RUNX2: variants seen among roughly 807,000 people sequenced by gnomAD.
The protein encoded by RUNX2 is RUNX family transcription factor 2.
RUNX2 carries 10 observed loss-of-function variants against 51.7 expected under a neutral mutation model. The ratio of observed to expected loss-of-function variants is 0.19; its 90% confidence interval spans 0.12 to 0.33. The LOEUF (loss-of-function observed/expected upper bound fraction) is 0.33, where lower values mean the gene tolerates loss of function less well. Ranked by LOEUF, RUNX2 falls within the 10% of genes least tolerant of loss-of-function variation. The probability of loss-of-function intolerance (pLI) is 1.00; values close to 1 mark genes in which losing one functional copy is unlikely to be tolerated. For missense variants in RUNX2, 562 were observed against 691.3 expected (o/e 0.81, Z 2.10); for synonymous variants, 276 against 273.6 (o/e 1.01, Z -0.09).
chr6:45,345,044 T>C (rs916352030), intron 2 of RUNX2, among the ~76,000 whole-genome samples: 1 of 152,154 alleles, frequency 6.6e-6, no homozygotes, highest in African/African-American at 2.4e-5. Flanking sequence ...GGCTGTACAT[T>C]AAAACGTTCC....
At chr6:45,476,567 T>C (rs1025125164) in intron 5 of RUNX2, among the ~76,000 whole-genome samples, 2 of 152,236 alleles carry the variant, frequency 1.3e-5, no homozygotes, top group African/African-American at 2.4e-5. Flanking sequence ...AAAGGGCTGA[T>C]TGTCATGCAG....
At chr6:45,424,860 C>T (rs1173261448) in intron 3 of RUNX2, among the ~76,000 whole-genome samples, 1 of 151,964 alleles carries the variant, frequency 6.6e-6, no homozygotes, top group Non-Finnish European at 1.5e-5. Flanking sequence ...CTTTTATAAA[C>T]CACCCATTTT....
At chr6:45,407,403 A>G (rs1317890212) in intron 2 of RUNX2, among the ~76,000 whole-genome samples, 2 of 152,220 alleles carry the variant, frequency 1.3e-5, no homozygotes, top group East Asian at 1.9e-4. Flanking sequence ...ACCTTCATCC[A>G]TTAAAAAAAT....
At chr6:45,480,136 T>C (rs115369694) in intron 5 of RUNX2, among the ~76,000 whole-genome samples, 1 of 152,216 alleles carries the variant, frequency 6.6e-6, no homozygotes, top group African/African-American at 2.4e-5. Context: ...CAATTATCTG[T>C]CTATCAAGAC....
rs181536281 is a variant in RUNX2 at position 45,497,325 on chromosome 6, T to C, written c.859+5211T>C. Among the ~76,000 whole-genome samples the C allele has an allele frequency of 1.2e-4, 18 of 152,304 alleles. No individual in the cohort carries two copies. In the East Asian group the frequency reaches 3.3e-3, roughly 28 times the overall value. On this transcript the variant is annotated intron_variant, in intron 6 of 8. Transcript: ENST00000647337. Reference sequence around the variant, plus strand: ...GAAGGAAGTGCACAGGATATTTTTTTCCTTGGTTCAGACCCCTATTTGCCC... The same window carrying C: ...GAAGGAAGTGCACAGGATATTTTTTCCCTTGGTTCAGACCCCTATTTGCCC...
At position 45,422,630 on chromosome 6, in the gene RUNX2, CA is replaced by C; in HGVS notation, c.97del (p.Ser33AlafsTer7). ...GCCGGCGCTTCAGCCCCCCCTCCAG[CA>C]GCCTGCAGCCCGGCAAAATGAGCGA... ...TSRRFSPPSSSLQPGKMSDVS... is the reference protein window; with the variant it reads ...TSRRFSPPSSXLQPGKMSDVS... On this transcript the variant is annotated frameshift_variant, in exon 3 of 9. Transcript: ENST00000647337. LOFTEE classifies it high-confidence loss of function. 2 of 1,606,982 alleles carry C rather than the reference CA, an allele frequency of 1.2e-6. No individual in the cohort carries two copies. Among genetic ancestry groups the C allele is most frequent in the Non-Finnish European group, 8.5e-7 (1 of 1,177,536 alleles).
chr6:45,362,013 T>C (rs1292646206), intron 2 of RUNX2, among the ~76,000 whole-genome samples: 1 of 152,162 alleles, frequency 6.6e-6, no homozygotes, highest in African/African-American at 2.4e-5. Context: ...ATCAGGCAAC[T>C]GCACTCCAGC....
At chr6:45,377,611 T>A (rs1796995488) in intron 2 of RUNX2, among the ~76,000 whole-genome samples, 1 of 151,910 alleles carries the variant, frequency 6.6e-6, no homozygotes, top group Non-Finnish European at 1.5e-5. Flanking sequence ...CACTCCGGCG[T>A]AGACCACGAA....
At chr6:45,487,153 A>C (rs1242039007) in intron 5 of RUNX2, among the ~76,000 whole-genome samples, 1 of 152,184 alleles carries the variant, frequency 6.6e-6, no homozygotes, top group Non-Finnish European at 1.5e-5. Flanking sequence ...TCTTTTCTGG[A>C]AACCACTTTT....
chr6:45,365,424 T>G, intron 2 of RUNX2: 1 of 634,570 alleles, frequency 1.6e-6, no homozygotes. Context: ...TGATTTGTTT[T>G]GCACAAAACT....
chr6:45,473,204 G>A (rs1156679730), intron 5 of RUNX2, among the ~76,000 whole-genome samples: 1 of 152,154 alleles, frequency 6.6e-6, no homozygotes, highest in African/African-American at 2.4e-5. Context: ...GTTAGCAGTT[G>A]AATGTTGCTA....
intron 5 of RUNX2, among the ~76,000 whole-genome samples, chr6:45,467,885 A>T (rs576673070): frequency 6.6e-6 from 1 of 152,292 alleles, no homozygotes; most frequent in East Asian, 1.9e-4. Context: ...TCCTTACCTT[A>T]ATATAGGGAA....
At chr6:45,530,890 CA>C (rs1801820273) in intron 7 of RUNX2, among the ~76,000 whole-genome samples, 1 of 152,176 alleles carries the variant, frequency 6.6e-6, no homozygotes, top group African/African-American at 2.4e-5. Flanking sequence ...CAACTAACTC[CA>C]AAGGTGAGAG....
Position 45,549,445 on chromosome 6 carries a change from A to C in RUNX2, c.*2140A>C. On this transcript the variant is annotated 3_prime_UTR_variant, in exon 9 of 9. Coordinates refer to ENST00000647337, the MANE Select transcript of RUNX2 (RefSeq NM_001024630.4). ...TAATAAAAATGGATGGGAAAGCAAAACACTTTGCCTTCTAAAGGCCGTATA... is the reference window on the plus strand; with the variant it reads ...TAATAAAAATGGATGGGAAAGCAAACCACTTTGCCTTCTAAAGGCCGTATA... 1 of 398,402 alleles carries C rather than the reference A, an allele frequency of 2.5e-6. No homozygotes were observed. The highest frequency in any genetic ancestry group is 4.4e-6 in the Non-Finnish European group (1 of 226,014). The allele number at this position is 398,402 out of a possible 1,614,324, so 24.7% of individuals were successfully genotyped here.
At chr6:45,452,656 A>G (rs1189428430) in intron 5 of RUNX2, among the ~76,000 whole-genome samples, 2 of 151,982 alleles carry the variant, frequency 1.3e-5, no homozygotes, top group Non-Finnish European at 2.9e-5. Flanking sequence ...AAGCATGTAC[A>G]CACACACACA....
chr6:45,540,233 T>C (rs1802175632), intron 7 of RUNX2, among the ~76,000 whole-genome samples: 1 of 152,208 alleles, frequency 6.6e-6, no homozygotes, highest in African/African-American at 2.4e-5. Flanking sequence ...ATTGCTCAGA[T>C]ATGCTTTTTG....
intron 5 of RUNX2, among the ~76,000 whole-genome samples, chr6:45,482,203 AT>A (rs1800137699): frequency 6.6e-6 from 1 of 152,192 alleles, no homozygotes; most frequent in Non-Finnish European, 1.5e-5. Flanking sequence ...TTTTTAAAAA[AT>A]TTTTTAATCC....
chr6:45,509,424 A>G (rs1398873248), intron 6 of RUNX2, among the ~76,000 whole-genome samples: 9 of 152,198 alleles, frequency 5.9e-5, no homozygotes, highest in Admixed American at 2.0e-4. Flanking sequence ...AAAAACCCTA[A>G]TAAGTATCAT....
chr6:45,429,871 A>T (rs1582102860), intron 3 of RUNX2, among the ~76,000 whole-genome samples: 1 of 151,954 alleles, frequency 6.6e-6, no homozygotes, highest in African/African-American at 2.4e-5. Flanking sequence ...AGGCGGGCGG[A>T]TCACCTGAGG....
Sources: allele counts gnomAD v4.1 joint callset (sites outside exome capture counted in the v4.1 genomes callset), GRCh38; gene constraint gnomAD v4.1.1; transcripts MANE v1.5; gene names NCBI Gene and HGNC (gene_info 2026-07-23, HGNC 2026-07-21).